The following SEMA3A variants were observed in gnomAD, a reference collection of about 807,000 sequenced individuals.
SEMA3A encodes semaphorin-3A.
Under a neutral mutation model 97.9 loss-of-function variants are expected in SEMA3A, and 29 were observed. That is an observed-to-expected ratio of 0.30 (90% CI 0.22 to 0.40). The LOEUF (loss-of-function observed/expected upper bound fraction) is 0.40. SEMA3A is among the 10% of genes least tolerant of loss of function. SEMA3A has a pLI of 1.00. For synonymous variants in SEMA3A, 321 were observed against 323.7 expected (o/e 0.99, Z 0.09); for missense variants, 763 against 951.3 (o/e 0.80, Z 2.60).
chr7:84,452,411 A>C (rs1174622305), intron 1 of SEMA3A, among the ~76,000 whole-genome samples: 2 of 152,146 alleles, frequency 1.3e-5, no homozygotes, highest in Non-Finnish European at 2.9e-5. Context: ...TTGAGAGTTG[A>C]CATGGCCAGC....
chr7:84,250,787 C>T (rs1454291615), intron 3 of SEMA3A, among the ~76,000 whole-genome samples: 1 of 151,982 alleles, frequency 6.6e-6, no homozygotes, highest in African/African-American at 2.4e-5. Context: ...AAGTGGTTAC[C>T]TCTATCAATA....
intron 3 of SEMA3A, among the ~76,000 whole-genome samples, chr7:84,227,508 C>T (rs1481396832): frequency 6.6e-6 from 1 of 152,072 alleles, no homozygotes; most frequent in East Asian, 1.9e-4. Context: ...TATCCATCTT[C>T]TCAATTTATT....
intron 5 of SEMA3A, among the ~76,000 whole-genome samples, chr7:84,050,049 A>G (rs1202449568): frequency 2.0e-5 from 3 of 151,234 alleles, no homozygotes. Flanking sequence ...TGAACTCATC[A>G]TTTTTTATGG....
At chr7:84,166,700 G>A (rs1250117387) in intron 1 of SEMA3A, among the ~76,000 whole-genome samples, 3 of 151,172 alleles carry the variant, frequency 2.0e-5, no homozygotes, top group South Asian at 2.1e-4. Context: ...GTGAAACCCC[G>A]TCTCTACTAA....
At chr7:84,418,098 G>A (rs1804483677) in intron 1 of SEMA3A, among the ~76,000 whole-genome samples, 1 of 152,098 alleles carries the variant, frequency 6.6e-6, no homozygotes, top group South Asian at 2.1e-4. Flanking sequence ...CTGTGAGGGT[G>A]TTGCCAGAGA....
chr7:84,015,177 TTATC>T (rs1317667718), intron 6 of SEMA3A, among the ~76,000 whole-genome samples: 3 of 152,200 alleles, frequency 2.0e-5, no homozygotes, highest in Admixed American at 6.5e-5. Context: ...ATCTCTCCAT[TTATC>T]TATCTAATCT....
intron 1 of SEMA3A, among the ~76,000 whole-genome samples, chr7:84,488,477 C>A (rs1806640551): frequency 6.6e-6 from 1 of 151,546 alleles, no homozygotes; most frequent in Admixed American, 6.6e-5. Context: ...GTTGACAGCT[C>A]ATTTTTTTTT....
At chr7:84,062,831 C>T (rs548804006) in intron 4 of SEMA3A, among the ~76,000 whole-genome samples, 5 of 146,938 alleles carry the variant, frequency 3.4e-5, no homozygotes, top group Admixed American at 1.3e-4. Flanking sequence ...AAGGCCGCAG[C>T]GAGGCGGGGG....
At chr7:84,484,996 A>G (rs1168613627) in intron 1 of SEMA3A, among the ~76,000 whole-genome samples, 2 of 152,174 alleles carry the variant, frequency 1.3e-5, no homozygotes, top group Non-Finnish European at 2.9e-5. Context: ...AAATTTCTGT[A>G]TGCTTAATCT....
intron 1 of SEMA3A, among the ~76,000 whole-genome samples, chr7:84,420,875 T>C (rs187435979): frequency 1.3e-5 from 2 of 152,190 alleles, no homozygotes; most frequent in East Asian, 3.9e-4. Flanking sequence ...TTGATTCTTT[T>C]CTCTTTTATT....
At chr7:84,222,715 TTGATCCTAAGTAAATATTGTC>T (rs2116339652) in intron 3 of SEMA3A, among the ~76,000 whole-genome samples, 1 of 152,038 alleles carries the variant, frequency 6.6e-6, no homozygotes, top group South Asian at 2.1e-4. Context: ...GAAATGTTTA[TTGATCCTAAGTAAATATTGTC>T]AGCCTTATTC....
chr7:84,235,725 T>C (rs529214849), intron 3 of SEMA3A, among the ~76,000 whole-genome samples: 1 of 152,216 alleles, frequency 6.6e-6, no homozygotes, highest in African/African-American at 2.4e-5. Flanking sequence ...ATCAATGAGC[T>C]TATTATCCAA....
At chr7:84,140,913 CA>C (rs1796274948) in intron 1 of SEMA3A, among the ~76,000 whole-genome samples, 1 of 151,988 alleles carries the variant, frequency 6.6e-6, no homozygotes, top group Non-Finnish European at 1.5e-5. Context: ...ACAAAATGAT[CA>C]AAATGAGCAA....
intron 1 of SEMA3A, among the ~76,000 whole-genome samples, chr7:84,425,433 ATATAGGCATATATT>A (rs1192635593): frequency 4.7e-5 from 6 of 128,512 alleles, no homozygotes; most frequent in Admixed American, 8.9e-5. Context: ...ATGAATATAA[ATATAGGCATATATT>A]TATATGCATA....
chr7:84,265,619 T>C (rs1226926197), intron 3 of SEMA3A, among the ~76,000 whole-genome samples: 3 of 150,928 alleles, frequency 2.0e-5, no homozygotes, highest in African/African-American at 7.3e-5. Flanking sequence ...AACCAATATT[T>C]TGAATGAACT....
At chr7:84,023,999 G>C (rs567222176) in intron 6 of SEMA3A, among the ~76,000 whole-genome samples, 2 of 133,454 alleles carry the variant, frequency 1.5e-5, no homozygotes, top group East Asian at 4.6e-4. Context: ...GCAACGGAGC[G>C]AGACTCCGTC....
At chr7:84,315,556 T>C (rs1296662285) in intron 2 of SEMA3A, among the ~76,000 whole-genome samples, 2 of 152,096 alleles carry the variant, frequency 1.3e-5, no homozygotes, top group African/African-American at 4.8e-5. Flanking sequence ...ATGTAAGAAA[T>C]CTTTGGTGAC....
At chr7:84,178,479 C>G (rs1797642977) in intron 1 of SEMA3A, among the ~76,000 whole-genome samples, 1 of 146,664 alleles carries the variant, frequency 6.8e-6, no homozygotes, top group African/African-American at 2.6e-5. Flanking sequence ...ATTATTATCC[C>G]TATCTTACAA....
intron 1 of SEMA3A, among the ~76,000 whole-genome samples, chr7:84,373,258 T>C (rs185177089): frequency 1.4e-4 from 21 of 152,288 alleles, no homozygotes; most frequent in African/African-American, 2.2e-4. Flanking sequence ...TTCCTGTAGT[T>C]TGGTATTCCA....
Sources: gnomAD v4.1 joint callset for allele counts (sites outside exome capture counted in the v4.1 genomes callset) on GRCh38, gnomAD v4.1.1 for gene constraint, MANE v1.5 for transcripts, NCBI Gene and HGNC (gene_info 2026-07-23, HGNC 2026-07-21) for gene names.